The following CYTH3 variants were observed in gnomAD, a reference collection of about 807,000 sequenced individuals.
The protein encoded by CYTH3 is cytohesin-3.
In CYTH3, 23 loss-of-function variants were observed where a neutral mutation model predicts 55.1. The ratio of observed to expected loss-of-function variants is 0.42; its 90% CI spans 0.30 to 0.59. The LOEUF (loss-of-function observed/expected upper bound fraction) is 0.59, where lower values mean the gene tolerates loss of function less well. Ranked by LOEUF, CYTH3 falls within the 20% of genes least tolerant of loss-of-function variation. CYTH3 has a pLI of 0.20. For synonymous variants in CYTH3, 249 were observed against 194.9 expected (o/e 1.28, Z -2.31); for missense variants, 413 against 524.8 (o/e 0.79, Z 2.08).
chr7:6,184,050 T>C (rs995404161), intron 4 of CYTH3, among the ~76,000 whole-genome samples: 7 of 23,708 alleles, frequency 3.0e-4, no homozygotes, highest in Admixed American at 1.7e-3. Flanking sequence ...CCTCTGTGGC[T>C]TTTTTTTTTT....
chr7:6,219,038 G>C (rs2128550992), intron 1 of CYTH3, among the ~76,000 whole-genome samples: 1 of 149,466 alleles, frequency 6.7e-6, no homozygotes, highest in African/African-American at 2.5e-5. Context: ...CTGCCACTGA[G>C]GACTCAGGAG....
At position 6,190,447 on chromosome 7, in the gene CYTH3, A is replaced by C. The variant is rs1375891289; in HGVS notation, c.117+2T>G. 1 of 1,023,464 alleles carries C rather than the reference A, an allele frequency of 9.8e-7. No homozygotes were observed. Among genetic ancestry groups the C allele is most frequent in the Non-Finnish European group, 1.2e-6 (1 of 813,138 alleles). The allele number at this position is 1,023,464 out of a possible 1,614,324, so 63.4% of individuals were successfully genotyped here. On this transcript the variant is annotated splice_donor_variant, in intron 2 of 12. Coordinates refer to ENST00000350796, the MANE Select transcript of CYTH3 (RefSeq NM_004227.4). LOFTEE classifies it high-confidence loss of function. ...TTTTTGGTTTTTTTTTTTTTTTTTT[A>C]CCTCAATGTCATCAATAAGTTCCTT...
intron 1 of CYTH3, among the ~76,000 whole-genome samples, chr7:6,213,153 C>G (rs1421831377): frequency 6.6e-6 from 1 of 152,192 alleles, no homozygotes; most frequent in Non-Finnish European, 1.5e-5. Flanking sequence ...CACCAAGAAC[C>G]GTGACTAGCA....
intron 1 of CYTH3, among the ~76,000 whole-genome samples, chr7:6,258,325 G>A (rs10268916): frequency 0.18 from 26,788 of 148,856 alleles, 4,165 homozygotes; most frequent in African/African-American, 0.42. Context: ...AAAAAAAAAA[G>A]AAAAGAAAAG....
intron 1 of CYTH3, among the ~76,000 whole-genome samples, chr7:6,223,263 C>T (rs1195579346): frequency 2.6e-5 from 4 of 151,942 alleles, no homozygotes; most frequent in East Asian, 1.9e-4. Flanking sequence ...TGTGCCAGGC[C>T]GCCCCGTCTG....
intron 1 of CYTH3, among the ~76,000 whole-genome samples, chr7:6,251,538 C>A (rs954733513): frequency 6.6e-6 from 1 of 152,060 alleles, no homozygotes; most frequent in Non-Finnish European, 1.5e-5. Context: ...GACAGAGCAG[C>A]AATCTGTGAA....
chr7:6,188,703 A>T (rs903082163), intron 2 of CYTH3: 10 of 152,192 alleles, frequency 6.6e-5, no homozygotes, highest in African/African-American at 1.9e-4. Flanking sequence ...AATGAGACTG[A>T]CCTCTGGAAG....
At chr7:6,196,911 T>C (rs1200986246) in intron 1 of CYTH3, among the ~76,000 whole-genome samples, 1 of 152,236 alleles carries the variant, frequency 6.6e-6, no homozygotes, top group Non-Finnish European at 1.5e-5. Context: ...AGCTCTCCTG[T>C]GCAGATATAG....
intron 1 of CYTH3, among the ~76,000 whole-genome samples, chr7:6,259,818 A>ATAT (rs1554255146): frequency 7.7e-5 from 2 of 25,882 alleles, no homozygotes; most frequent in Non-Finnish European, 1.1e-4. Context: ...TATATAATAT[A>ATAT]TATATATATA....
At chr7:6,175,705 G>T (rs114930400) in intron 5 of CYTH3, among the ~76,000 whole-genome samples, 3,504 of 151,950 alleles carry the variant, frequency 0.023, 137 homozygotes, top group African/African-American at 0.08. Context: ...CTGCCATCAT[G>T]TCTGGCTAAT....
intron 1 of CYTH3, among the ~76,000 whole-genome samples, chr7:6,214,166 T>C (rs144008353): frequency 6.6e-6 from 1 of 152,336 alleles, no homozygotes; most frequent in East Asian, 1.9e-4. Flanking sequence ...GATGGATCGA[T>C]GAGAGACGGA....
rs896303934 is a variant in CYTH3 at position 6,173,798 on chromosome 7, G to A, written c.369-65C>T. 57 of 948,416 alleles carry A rather than the reference G, an allele frequency of 6.0e-5. 1 individual carries two copies. The South Asian group carries it at 6.3e-4, about 10-fold the overall frequency. The allele number at this position is 948,416 out of a possible 1,614,324, so 58.8% of individuals were successfully genotyped here. A position where few individuals can be genotyped will look rare whatever the true frequency, so the allele number is the denominator to read the frequency against. Reference sequence around the variant, plus strand: ...TATCGCAATCATTTTAAAAGATGCGGCTGATGAATAATGTGGCTATGAACG... The same window carrying A: ...TATCGCAATCATTTTAAAAGATGCGACTGATGAATAATGTGGCTATGAACG... On this transcript the variant is annotated intron_variant, in intron 5 of 12. Transcript: ENST00000350796.
chr7:6,190,061 CA>C (rs1424375122), intron 2 of CYTH3, among the ~76,000 whole-genome samples: 1 of 151,956 alleles, frequency 6.6e-6, no homozygotes. Context: ...AAAAAACAAA[CA>C]AAAAAACATA....
chr7:6,262,064 CAATA>C lies in CYTH3; in HGVS notation c.34+10406_34+10409del, dbSNP rs561349969. Among the ~76,000 whole-genome samples, 49 of 152,108 alleles carry C rather than the reference CAATA, an allele frequency of 3.2e-4. 2 individuals carry two copies. In the South Asian group the frequency reaches 9.3e-3, roughly 29 times the overall value. On this transcript the variant is annotated intron_variant, in intron 1 of 12. Coordinates refer to ENST00000350796, the MANE Select transcript of CYTH3 (RefSeq NM_004227.4). ...AAGACAATAATGGAAATTAGGAACT[CAATA>C]AACGAGTTCAACAGCAATTACAGCT...
intron 1 of CYTH3, among the ~76,000 whole-genome samples, chr7:6,201,252 G>A (rs1472902324): frequency 1.3e-5 from 2 of 152,208 alleles, no homozygotes; most frequent in African/African-American, 2.4e-5. Flanking sequence ...GCAGTCACGT[G>A]TTAGCAACAA....
rs146561361 is a variant in CYTH3 at position 6,215,918 on chromosome 7, T to C, written c.35-25387A>G. Among the ~76,000 whole-genome samples the C allele has an allele frequency of 4.5e-3, 680 of 152,284 alleles. 12 individuals carry two copies. Among genetic ancestry groups the C allele is most frequent in the East Asian group, 0.026 (135 of 5,182 alleles). ...AACATTCTTCAAGTGAAGAAAGAAC[T>C]GTCAACCCTGAATTCTATATCTGGT... On this transcript the variant is annotated intron_variant, in intron 1 of 12. Transcript: ENST00000350796.
At chr7:6,179,026 C>T (rs780177727) in intron 4 of CYTH3, among the ~76,000 whole-genome samples, 1 of 152,232 alleles carries the variant, frequency 6.6e-6, no homozygotes, top group East Asian at 1.9e-4. Flanking sequence ...CTAAGACTCT[C>T]AGTACCCAAG....
chr7:6,174,156 C>A (rs1783272851), intron 5 of CYTH3, among the ~76,000 whole-genome samples: 1 of 152,018 alleles, frequency 6.6e-6, no homozygotes, highest in Non-Finnish European at 1.5e-5. Context: ...TCTTGTGGCC[C>A]AGACTGGAAT....
At chr7:6,203,347 G>A (rs1282695857) in intron 1 of CYTH3, among the ~76,000 whole-genome samples, 2 of 151,986 alleles carry the variant, frequency 1.3e-5, no homozygotes, top group Admixed American at 6.6e-5. Flanking sequence ...TGCCTCCATA[G>A]CTGTGAATCT....
Sources: allele counts gnomAD v4.1 joint callset (sites outside exome capture counted in the v4.1 genomes callset), GRCh38; gene constraint gnomAD v4.1.1; transcripts MANE v1.5; gene names NCBI Gene and HGNC (gene_info 2026-07-23, HGNC 2026-07-21).